The following RBM43 variants were observed in gnomAD, a reference collection of about 807,000 sequenced individuals.
The protein encoded by RBM43 is RNA binding motif protein 43.
Under a neutral mutation model 12.4 loss-of-function variants are expected in RBM43, and 12 were observed. That is an observed-to-expected ratio of 0.97 (90% CI 0.62 to 1.57). The LOEUF (loss-of-function observed/expected upper bound fraction) is 1.57. Ranked by LOEUF, RBM43 falls within the 40% of genes most tolerant of loss-of-function variation. The pLI is 0.00. For missense variants in RBM43, 348 were observed against 400.1 expected, an observed-to-expected ratio of 0.87 and a Z score of 1.11; for synonymous variants, 138 against 145.7, an observed-to-expected ratio of 0.95 and a Z score of 0.38.
At chr2:151,261,546 C>G in intron 1 of RBM43, 179 bp downstream of exon 1, 1 of 1,545,094 alleles carries the variant, frequency 6.5e-7, no homozygotes, top group South Asian at 1.2e-5. Flanking sequence ...TGAGTTTGCC[C>G]GCCGGGGTGG....
chr2:151,251,780 G>T, intron 3 of RBM43, 116 bp from the exon 4 acceptor site: 1 of 1,004,528 alleles, frequency 1.0e-6, no homozygotes, highest in Non-Finnish European at 1.4e-6. Flanking sequence ...CCAGGCCCCA[G>T]TTGCCTGCCC....
intron 2 of RBM43, among the ~76,000 whole-genome samples, chr2:151,254,679 GGTATGT>G (rs1213943752): frequency 6.6e-6 from 1 of 152,082 alleles, no homozygotes; most frequent in Admixed American, 6.5e-5. Flanking sequence ...AGGCTGAAGG[GGTATGT>G]GTGCTCTGCC....
chr2:151,256,693 C>A (rs939037811), intron 1 of RBM43, among the ~76,000 whole-genome samples: 1 of 152,140 alleles, frequency 6.6e-6, no homozygotes, highest in Non-Finnish European at 1.5e-5. Flanking sequence ...ATGGCGGGCG[C>A]CTGTAATCCC....
rs1317791937 is a variant in RBM43 at position 151,251,593 on chromosome 2, T to A, written c.387A>T (p.Val129=). The A allele has an allele frequency of 6.2e-7, 1 of 1,614,030 alleles. No homozygotes were observed. Among genetic ancestry groups the A allele is most frequent in the South Asian group, 1.1e-5 (1 of 91,064 alleles). ...TCGGGATTTTTTTTTTCAGGTCTTT[T>A]ACCAGAGTTTCTAGAGTAACTTCTT... ...FGKEVTLETL[V]KDLKKKIPSL... is the part of the protein sequence containing the mutation. The change falls in exon 4 of 4, where the codon GTA becomes GTT. Residue 129 remains valine (V), a synonymous_variant. Coordinates refer to ENST00000331426, the MANE Select transcript of RBM43 (RefSeq NM_198557.3).
intron 1 of RBM43, chr2:151,261,092 A>G: frequency 2.5e-6 from 2 of 796,596 alleles, no homozygotes; most frequent in Non-Finnish European, 3.8e-6. Context: ...CCGGGACTCT[A>G]GCATTTCAGA....
chr2:151,255,429 T>A, intron 2 of RBM43, 104 bp downstream of exon 2: 1 of 771,088 alleles, frequency 1.3e-6, no homozygotes, highest in Non-Finnish European at 2.1e-6. Flanking sequence ...AAAAAAAAAC[T>A]ACTTTAAAAT....
Position 151,250,952 on chromosome 2 carries a change from A to T in RBM43, c.1028T>A (p.Leu343Gln), listed in dbSNP as rs1338016150. The change falls in exon 4 of 4, where the codon CTG becomes CAG. Residue 343 changes from leucine (L) to glutamine (Q), a missense_variant. Coordinates refer to ENST00000331426, the MANE Select transcript of RBM43 (RefSeq NM_198557.3). ...DIIGSSSDTY[L>Q]FKKGVMKLIG... ...TAATTTCATGACCCCTTTTTTAAAC[A>T]GGTAAGTGTCAGAAGAAGATCCTAT... is the stretch of plus-strand genomic sequence containing the variant. The T allele has an allele frequency of 6.3e-7, 1 of 1,599,894 alleles. No individual in the cohort carries two copies. Among genetic ancestry groups the T allele is most frequent in the Admixed American group, 1.7e-5 (1 of 57,170 alleles).
chr2:151,251,232 C>T lies in RBM43; in HGVS notation c.748G>A (p.Glu250Lys). 6.2e-7 allele frequency: 1 copy of T among 1,613,864 alleles called. No homozygotes were observed. Among genetic ancestry groups the T allele is most frequent in the Non-Finnish European group, 8.5e-7 (1 of 1,179,998 alleles). Residue 250 changes from glutamate to lysine, a missense_variant, in exon 4 of 4, where the codon GAG (glutamate) becomes AAG (lysine). By Grantham distance (56) the Glu-to-Lys change is moderately conservative. Transcript: ENST00000331426. ...GTGGTGATTTCACCATCCACTTTCT[C>T]CTGACTCAGAATGTGGAATTTTTTC... is the stretch of plus-strand genomic sequence containing the variant. Reference protein sequence around the residue: ...TLKKFHILSQEKVDGEITTIC... With the variant: ...TLKKFHILSQKKVDGEITTIC...
intron 3 of RBM43, among the ~76,000 whole-genome samples, chr2:151,252,489 TG>T (rs1201471332): frequency 6.6e-6 from 1 of 152,204 alleles, no homozygotes; most frequent in Non-Finnish European, 1.5e-5. Context: ...TGCCACTGCC[TG>T]GGTGACGGAG....
intron 1 of RBM43, among the ~76,000 whole-genome samples, chr2:151,258,626 A>G (rs1683006224): frequency 6.6e-6 from 1 of 152,098 alleles, no homozygotes; most frequent in Admixed American, 6.5e-5. Flanking sequence ...GCTTGAGCAC[A>G]GGAGATCGAG....
In RBM43 at chr2:151,250,633, T is replaced by G. The variant is rs1023669011; in HGVS notation, c.*273A>C. The G allele has an allele frequency of 7.0e-6, 2 of 285,460 alleles. No homozygotes were observed. The highest frequency in any genetic ancestry group is 4.3e-5 in the African/African-American group (2 of 46,000). 17.7% of individuals were successfully genotyped at this position (285,460 alleles called of 1,614,324 possible). A position where few individuals can be genotyped will look rare whatever the true frequency, so the allele number is the denominator to read the frequency against. ...AAAAAAAAAGTTTGGTGAGTTTTTT[T>G]CAAAGTTTTATTCCTTAGATATTAT... On this transcript the variant is annotated 3_prime_UTR_variant, in exon 4 of 4. Transcript: ENST00000331426.
rs1293318462 is a variant in RBM43, at chr2:151,250,031, T to A, written c.*875A>T. On this transcript the variant is annotated 3_prime_UTR_variant, in exon 4 of 4. Coordinates refer to ENST00000331426, the MANE Select transcript of RBM43 (RefSeq NM_198557.3). ...GTAAGCACTTAGGCTAAAAAAATAG[T>A]AAAAACATCCTATGTGGCCAGCAGC... 1 of 152,194 alleles carries A rather than the reference T, an allele frequency of 6.6e-6. No homozygotes were observed. Among genetic ancestry groups the A allele is most frequent in the Non-Finnish European group, 1.5e-5 (1 of 68,028 alleles). The allele number at this position is 152,194 out of a possible 1,614,324, so 9.4% of individuals were successfully genotyped here.
At position 151,250,807 on chromosome 2, in the gene RBM43, G is replaced by C. The variant is rs1279937287; in HGVS notation, c.*99C>G. On this transcript the variant is annotated 3_prime_UTR_variant, in exon 4 of 4. Transcript: ENST00000331426. ...ACTGACAAAGAAGGATGACTATAAG[G>C]ATTCATGAGATACGGTGTGTAAAGC... The C allele has an allele frequency of 1.2e-6, 1 of 809,356 alleles. No homozygotes were observed. The highest frequency in any genetic ancestry group is 2.5e-5 in the East Asian group (1 of 40,718). The allele number at this position is 809,356 out of a possible 1,614,324, so 50.1% of individuals were successfully genotyped here. A position where few individuals can be genotyped will look rare whatever the true frequency, so the allele number is the denominator to read the frequency against.
chr2:151,253,363 C>T (rs763053431), intron 2 of RBM43, among the ~76,000 whole-genome samples: 23 of 152,150 alleles, frequency 1.5e-4, no homozygotes, highest in Non-Finnish European at 1.6e-4. Flanking sequence ...CTACGTGAAT[C>T]GCTTTCAAAA....
chr2:151,250,354 T>C lies in RBM43; in HGVS notation c.*552A>G, dbSNP rs1682878919. ...GCTCACGCCTGTAATCCCAGCACTT[T>C]GGGAGGCCGAGGCGGGTGGATCACA... On this transcript the variant is annotated 3_prime_UTR_variant, in exon 4 of 4. Coordinates refer to ENST00000331426, the MANE Select transcript of RBM43 (RefSeq NM_198557.3). 1 of 152,186 alleles carries C rather than the reference T, an allele frequency of 6.6e-6. No homozygotes were observed. The highest frequency in any genetic ancestry group is 2.1e-4 in the South Asian group (1 of 4,830). 9.4% of individuals were successfully genotyped at this position (152,186 alleles called of 1,614,324 possible).
At chr2:151,257,671 C>T (rs1020925029) in intron 1 of RBM43, among the ~76,000 whole-genome samples, 12 of 152,024 alleles carry the variant, frequency 7.9e-5, no homozygotes, top group Non-Finnish European at 7.4e-5. Context: ...CCATCCTGGG[C>T]AACAAGAGTG....
chr2:151,250,795 G>A lies in RBM43; in HGVS notation c.*111C>T. ...AGGATAGTCAACACTGACAAAGAAG[G>A]ATGACTATAAGGATTCATGAGATAC... On this transcript the variant is annotated 3_prime_UTR_variant, in exon 4 of 4. Coordinates refer to ENST00000331426, the MANE Select transcript of RBM43 (RefSeq NM_198557.3). 1.3e-6 allele frequency: 1 copy of A among 754,102 alleles called. No individual in the cohort carries two copies. Among genetic ancestry groups the A allele is most frequent in the Admixed American group, 2.5e-5 (1 of 39,518 alleles). The allele number at this position is 754,102 out of a possible 1,614,324, so 46.7% of individuals were successfully genotyped here. A position where few individuals can be genotyped will look rare whatever the true frequency, so the allele number is the denominator to read the frequency against.
chr2:151,256,904 C>T (rs1682982706), intron 1 of RBM43, among the ~76,000 whole-genome samples: 2 of 152,170 alleles, frequency 1.3e-5, no homozygotes, highest in Non-Finnish European at 2.9e-5. Flanking sequence ...ACATATCGGA[C>T]ATGAAAGTCA....
chr2:151,250,749 A>T lies in RBM43; in HGVS notation c.*157T>A. 1.8e-6 allele frequency: 1 copy of T among 555,090 alleles called. No individual in the cohort carries two copies. The highest frequency in any genetic ancestry group is 3.1e-6 in the Non-Finnish European group (1 of 323,860). 34.4% of individuals were successfully genotyped at this position (555,090 alleles called of 1,614,324 possible). On this transcript the variant is annotated 3_prime_UTR_variant, in exon 4 of 4. Coordinates refer to ENST00000331426, the MANE Select transcript of RBM43 (RefSeq NM_198557.3). ...AAGTGTTTTAACTTCTCCAAATCCT[A>T]GTTTCTTCCGCTGTAACATGAGGAT...
Sources: allele counts gnomAD v4.1 joint callset (sites outside exome capture counted in the v4.1 genomes callset), GRCh38; gene constraint gnomAD v4.1.1; transcripts MANE v1.5; gene names NCBI Gene and HGNC (gene_info 2026-07-23, HGNC 2026-07-21).